The following COLEC10 variants were observed in gnomAD, a reference collection of about 807,000 sequenced individuals.
COLEC10 encodes collectin-10.
COLEC10 carries 22 observed loss-of-function variants against 28.4 expected under a neutral mutation model. The observed-to-expected ratio is 0.78, with a 90% CI of 0.55 to 1.11. The LOEUF is 1.11. Among genes scored for constraint, COLEC10 ranks in the 50% least tolerant of loss-of-function variants. The pLI is 0.00. For missense variants in COLEC10, 361 were observed against 344.1 expected (o/e 1.05, Z -0.39); for synonymous variants, 125 against 116.1 (o/e 1.08, Z -0.49).
chr8:118,953,031 A>C, the COLEC10 span, among the ~76,000 whole-genome samples: 1 of 152,232 alleles, frequency 6.6e-6, no homozygotes, highest in African/African-American at 2.4e-5. Context: ...ATTCAAGGGA[A>C]GGAAGGTGAA....
the COLEC10 span, among the ~76,000 whole-genome samples, chr8:118,953,222 C>A: frequency 6.6e-6 from 1 of 152,158 alleles, no homozygotes; most frequent in African/African-American, 2.4e-5. Context: ...AATGTAACAG[C>A]ATGCTGGTTT....
chr8:118,994,338 G>C (rs117044571), upstream of COLEC10, among the ~76,000 whole-genome samples: 1,012 of 151,958 alleles, frequency 6.7e-3, 3 homozygotes, highest in Non-Finnish European at 0.011. Context: ...ATGAGAGATG[G>C]GTAAATTTCT....
chr8:119,048,054 TA>T (rs1423033702), intron 2 of COLEC10, among the ~76,000 whole-genome samples: 8 of 152,196 alleles, frequency 5.3e-5, no homozygotes, highest in Admixed American at 5.2e-4. Flanking sequence ...ATACAGAAAG[TA>T]CATGTGCAGG....
the COLEC10 span, among the ~76,000 whole-genome samples, chr8:118,988,003 G>T: frequency 1.3e-5 from 2 of 152,088 alleles, no homozygotes; most frequent in African/African-American, 4.8e-5. Context: ...AGAACCAGGG[G>T]CTCATGGCAA....
upstream of COLEC10, among the ~76,000 whole-genome samples, chr8:118,991,383 A>G (rs1161902194): frequency 6.6e-6 from 1 of 152,182 alleles, no homozygotes; most frequent in Non-Finnish European, 1.5e-5. Flanking sequence ...AATTTCTCAC[A>G]ATCCTCCCTG....
At chr8:118,952,545 A>C in the COLEC10 span, among the ~76,000 whole-genome samples, 2 of 152,214 alleles carry the variant, frequency 1.3e-5, no homozygotes, top group South Asian at 4.1e-4. Flanking sequence ...TTTTCTAACT[A>C]ATGTCTGATT....
chr8:119,030,715 CAT>C lies in COLEC10; in HGVS notation n.235+21165_235+21166del, dbSNP rs934021472. 1.5e-4 allele frequency among the ~76,000 whole-genome samples: 23 copies of C among 152,294 alleles called. No homozygotes were observed. In the Middle Eastern group the frequency reaches 0.02, roughly 135 times the overall value. On this transcript the variant is annotated intron_variant and non_coding_transcript_variant, in intron 2 of 6. Coordinates refer to the COLEC10 transcript ENST00000521788. ...AGTGAGCTTAGAATAACACTTGACA[CAT>C]ATTGTTTTGAAAATTTTTAAGAAAA...
At chr8:119,069,629 A>AAAAAATATATATATATAT (rs1554627284) in intron 1 of COLEC10, among the ~76,000 whole-genome samples, 11 of 42,856 alleles carry the variant, frequency 2.6e-4, no homozygotes, top group Admixed American at 4.9e-4. Context: ...AAAAAAAAAA[A>AAAAAATATATATATATAT]ATATATATAT....
upstream of COLEC10, among the ~76,000 whole-genome samples, chr8:119,065,761 G>A (rs1291740180): frequency 2.6e-5 from 4 of 151,606 alleles, no homozygotes; most frequent in African/African-American, 9.7e-5. Flanking sequence ...AGGAGGCTGA[G>A]GCACGAGAAT....
intron 2 of COLEC10, among the ~76,000 whole-genome samples, chr8:119,059,863 A>G (rs1490685705): frequency 6.6e-6 from 1 of 152,040 alleles, no homozygotes; most frequent in Non-Finnish European, 1.5e-5. Flanking sequence ...TTGCAAATGT[A>G]CCCCATAATT....
At chr8:119,085,289 G>A in intron 1 of COLEC10, among the ~76,000 whole-genome samples, 1 of 152,164 alleles carries the variant, frequency 6.6e-6, no homozygotes, top group Non-Finnish European at 1.5e-5. Flanking sequence ...GCTAACAATA[G>A]CAGGTCCCAA....
chr8:119,033,603 A>G (rs1814332803), intron 2 of COLEC10, among the ~76,000 whole-genome samples: 1 of 152,250 alleles, frequency 6.6e-6, no homozygotes, highest in Non-Finnish European at 1.5e-5. Flanking sequence ...ACACTTCTCA[A>G]AAAAGACATT....
the COLEC10 span, among the ~76,000 whole-genome samples, chr8:118,967,442 C>A: frequency 6.6e-6 from 1 of 152,070 alleles, no homozygotes; most frequent in Non-Finnish European, 1.5e-5. Flanking sequence ...TTAATTTCTG[C>A]TCTGCTATGT....
At chr8:119,079,754 A>T (rs1815332438) in intron 1 of COLEC10, among the ~76,000 whole-genome samples, 1 of 145,474 alleles carries the variant, frequency 6.9e-6, no homozygotes, top group South Asian at 2.1e-4. Context: ...AGGATACTTG[A>T]AATCCCCAGT....
chr8:118,962,293 T>C, the COLEC10 span, among the ~76,000 whole-genome samples: 1 of 152,334 alleles, frequency 6.6e-6, no homozygotes, highest in African/African-American at 2.4e-5. Flanking sequence ...AATAGTGTTC[T>C]CCTCTGAAAC....
At chr8:118,957,036 C>T in the COLEC10 span, among the ~76,000 whole-genome samples, 1 of 152,146 alleles carries the variant, frequency 6.6e-6, no homozygotes, top group Non-Finnish European at 1.5e-5. Flanking sequence ...CCTAAAGGAA[C>T]ATTTTCAAAT....
intron 3 of COLEC10, among the ~76,000 whole-genome samples, chr8:119,092,794 T>C (rs944550866): frequency 6.6e-6 from 1 of 151,960 alleles, no homozygotes; most frequent in African/African-American, 2.4e-5. Flanking sequence ...TAATCCCCAC[T>C]ACTGGGGAGG....
At chr8:119,040,522 T>C (rs1012871460) in intron 2 of COLEC10, among the ~76,000 whole-genome samples, 4 of 152,132 alleles carry the variant, frequency 2.6e-5, no homozygotes, top group African/African-American at 9.7e-5. Context: ...TTGTGGCATG[T>C]AGGGAGAGGA....
At chr8:119,105,664 A>C in intron 5 of COLEC10, 136 bp from the exon 6 acceptor site, 1 of 784,972 alleles carries the variant, frequency 1.3e-6, no homozygotes, top group Non-Finnish European at 2.0e-6. Flanking sequence ...TAAATCTGTG[A>C]CTACCTCATA....
Sources: allele counts gnomAD v4.1 joint callset (sites outside exome capture counted in the v4.1 genomes callset), GRCh38; gene constraint gnomAD v4.1.1; transcripts MANE v1.5; gene names NCBI Gene and HGNC (gene_info 2026-07-23, HGNC 2026-07-21).